Variants in HDAC9 observed in about 807,000 individuals in gnomAD.
HDAC9 encodes MEF-2 interacting transcription repressor (MITR) protein.
A neutral mutation model predicts 139.4 loss-of-function variants in HDAC9; 41 were observed. The observed-to-expected ratio is 0.29, with a 90% CI of 0.23 to 0.38. The LOEUF is 0.38. Among genes scored for constraint, HDAC9 ranks in the 10% least tolerant of loss-of-function variants. The probability of loss-of-function intolerance (pLI) is 1.00; values close to 1 mark genes in which losing one functional copy is unlikely to be tolerated. For missense variants in HDAC9, 1,147 were observed against 1,297.0 expected, an observed-to-expected ratio of 0.88 and a Z score of 1.78; for synonymous variants, 517 against 476.2, an observed-to-expected ratio of 1.09 and a Z score of -1.12.
At chr7:18,561,630 A>G (rs1820639814) in intron 2 of HDAC9, among the ~76,000 whole-genome samples, 1 of 142,092 alleles carries the variant, frequency 7.0e-6, no homozygotes, top group Non-Finnish European at 1.5e-5. Flanking sequence ...ATTAATCACT[A>G]ATCTATTTTT....
chr7:18,534,187 C>G (rs1371844440), intron 2 of HDAC9, among the ~76,000 whole-genome samples: 1 of 152,092 alleles, frequency 6.6e-6, no homozygotes, highest in East Asian at 1.9e-4. Flanking sequence ...TAGAGGGGTT[C>G]TGGTATAGAC....
intron 2 of HDAC9, among the ~76,000 whole-genome samples, chr7:18,497,933 A>T (rs745406263): frequency 6.6e-6 from 1 of 152,072 alleles, no homozygotes; most frequent in African/African-American, 2.4e-5. Flanking sequence ...TGATAATCAC[A>T]TACAGCTTTA....
intron 22 of HDAC9, among the ~76,000 whole-genome samples, chr7:18,903,902 T>C (rs573368709): frequency 2.0e-4 from 31 of 152,308 alleles, no homozygotes; most frequent in African/African-American, 7.2e-4. Context: ...CCAAATGGAA[T>C]TGGAGCCAGA....
At chr7:18,460,677 A>G (rs1055420804) in intron 1 of HDAC9, among the ~76,000 whole-genome samples, 2 of 151,268 alleles carry the variant, frequency 1.3e-5, no homozygotes, top group Admixed American at 6.6e-5. Context: ...AATCCCAGCT[A>G]CTCGGGAGGC....
chr7:18,315,815 T>C (rs1416562142), intron 1 of HDAC9, among the ~76,000 whole-genome samples: 2 of 152,186 alleles, frequency 1.3e-5, no homozygotes, highest in Non-Finnish European at 2.9e-5. Context: ...GATGATGACT[T>C]CTGTCACAGA....
chr7:18,820,722 A>C (rs182981834), intron 17 of HDAC9, among the ~76,000 whole-genome samples: 4 of 152,336 alleles, frequency 2.6e-5, no homozygotes, highest in African/African-American at 9.6e-5. Context: ...TAAATCTAGC[A>C]GCTAAAATGG....
chr7:18,667,392 C>T (rs1433267847), intron 12 of HDAC9: 1 of 981,132 alleles, frequency 1.0e-6, no homozygotes, highest in East Asian at 1.1e-4. Flanking sequence ...TATATTGTCA[C>T]TAGAATCTCT....
At chr7:18,966,740 A>G (rs1466565783) in intron 24 of HDAC9, among the ~76,000 whole-genome samples, 1 of 152,030 alleles carries the variant, frequency 6.6e-6, no homozygotes, top group Non-Finnish European at 1.5e-5. Flanking sequence ...GAGTTAGGGG[A>G]AAATTTGAGA....
At chr7:18,917,482 G>A (rs1178794257) in intron 22 of HDAC9, among the ~76,000 whole-genome samples, 1 of 152,004 alleles carries the variant, frequency 6.6e-6, no homozygotes, top group East Asian at 1.9e-4. Context: ...AGCAAATTCT[G>A]CAAGCAAAAT....
intron 17 of HDAC9, among the ~76,000 whole-genome samples, chr7:18,816,268 T>C (rs948040094): frequency 6.6e-6 from 1 of 152,206 alleles, no homozygotes; most frequent in Non-Finnish European, 1.5e-5. Context: ...TCCAATAAAT[T>C]GAAGTTAGGA....
intron 2 of HDAC9, among the ~76,000 whole-genome samples, chr7:18,272,681 G>A (rs1291811856): frequency 6.6e-6 from 1 of 152,068 alleles, no homozygotes; most frequent in Admixed American, 6.6e-5. Context: ...AATCAATGGA[G>A]AAATACTATT....
intron 17 of HDAC9, among the ~76,000 whole-genome samples, chr7:18,806,276 T>C (rs1002568393): frequency 6.6e-6 from 1 of 152,218 alleles, no homozygotes; most frequent in Non-Finnish European, 1.5e-5. Flanking sequence ...TGCAAATTTA[T>C]TCTTTTCAGT....
chr7:18,343,611 C>T (rs1782179597), intron 1 of HDAC9, among the ~76,000 whole-genome samples: 2 of 151,756 alleles, frequency 1.3e-5, no homozygotes, highest in Non-Finnish European at 2.9e-5. Context: ...TTAAAGAATA[C>T]TTTGCTTAAT....
chr7:18,976,440 T>G (rs1428252833), intron 25 of HDAC9, among the ~76,000 whole-genome samples: 1 of 152,112 alleles, frequency 6.6e-6, no homozygotes, highest in Non-Finnish European at 1.5e-5. Flanking sequence ...GTCCTTGAGG[T>G]CCAACAACTG....
intron 21 of HDAC9, among the ~76,000 whole-genome samples, chr7:18,854,844 G>T (rs911091165): frequency 6.6e-6 from 1 of 151,954 alleles, no homozygotes; most frequent in Admixed American, 6.6e-5. Context: ...ATTTTATCAC[G>T]GTCATTGACG....
intron 11 of HDAC9, among the ~76,000 whole-genome samples, chr7:18,653,105 G>A (rs1330544891): frequency 6.6e-6 from 1 of 152,002 alleles, no homozygotes; most frequent in Admixed American, 6.6e-5. Flanking sequence ...GGGCGTGGTG[G>A]TGCATGCCTG....
intron 22 of HDAC9, among the ~76,000 whole-genome samples, chr7:18,928,826 TTTTATTTA>T (rs67350427): frequency 6.6e-6 from 1 of 151,744 alleles, no homozygotes; most frequent in Admixed American, 6.6e-5. Flanking sequence ...TGATCATTTA[TTTTATTTA>T]TTTATCAAAT....
chr7:18,732,480 T>G (rs1786157382), intron 13 of HDAC9, among the ~76,000 whole-genome samples: 1 of 128,468 alleles, frequency 7.8e-6, no homozygotes. Flanking sequence ...GTATATACAG[T>G]GTATATATGT....
upstream of HDAC9, among the ~76,000 whole-genome samples, chr7:18,287,316 A>G (rs1328966366): frequency 6.6e-6 from 1 of 152,204 alleles, no homozygotes; most frequent in African/African-American, 2.4e-5. Context: ...TCTCATTAAC[A>G]TGTTGGCAGA....
Sources: gnomAD v4.1 joint callset for allele counts (sites outside exome capture counted in the v4.1 genomes callset) on GRCh38, gnomAD v4.1.1 for gene constraint, MANE v1.5 for transcripts, NCBI Gene and HGNC (gene_info 2026-07-23, HGNC 2026-07-21) for gene names.